The following ANKRD12 variants were observed in gnomAD, a reference collection of about 807,000 sequenced individuals.
ANKRD12 encodes the protein ankyrin repeat domain 12, also known as ankyrin repeat domain-containing protein 12.
Under a neutral mutation model 183.4 loss-of-function variants are expected in ANKRD12, and 85 were observed. The observed-to-expected ratio is 0.46, with a 90% CI of 0.39 to 0.56. The LOEUF (loss-of-function observed/expected upper bound fraction) is 0.56, where lower values mean the gene tolerates loss of function less well. ANKRD12 is among the 20% of genes least tolerant of loss of function. ANKRD12 has a pLI of 0.00. For missense variants in ANKRD12, 2,405 were observed against 2,357.1 expected (o/e 1.02, Z -0.42); for synonymous variants, 914 against 800.2 (o/e 1.14, Z -2.40).
In ANKRD12 at chr18:9,171,189, T is replaced by G. The variant is rs557032144; in HGVS notation, c.-51-11193T>G. Among the ~76,000 whole-genome samples the G allele has an allele frequency of 2.0e-5, 3 of 152,276 alleles. No homozygotes were observed. The South Asian group carries it at 6.2e-4, about 32-fold the overall frequency. ...AGGAGGCAGTCTGCCCGTTGTCAGA[T>G]CTCAAGCTGTGTGCTGGGAGAACCA... On this transcript the variant is annotated intron_variant, in intron 1 of 12. Transcript: ENST00000262126.
At position 9,255,624 on chromosome 18, in the gene ANKRD12, C is replaced by T; in HGVS notation, c.2357C>T (p.Thr786Ile). 1.3e-6 allele frequency: 2 copies of T among 1,571,044 alleles called. No individual in the cohort carries two copies. Among genetic ancestry groups the T allele is most frequent in the Non-Finnish European group, 1.7e-6 (2 of 1,168,622 alleles). ...CCCACAGATAAAGACTCAGAATTTA[C>T]TTCTTTGGGTATGAGTGCCATTGAG... ...NIPTDKDSEFTSLGMSAIEES... is the reference protein window; with the variant it reads ...NIPTDKDSEFISLGMSAIEES... Residue 786 changes from threonine (T) to isoleucine (I), a missense_variant, in exon 9 of 13, where the codon ACT becomes ATT. Transcript: ENST00000262126.
At chr18:9,202,715 T>G (rs1039997827) in intron 3 of ANKRD12, among the ~76,000 whole-genome samples, 3 of 152,170 alleles carry the variant, frequency 2.0e-5, no homozygotes, top group Admixed American at 6.5e-5. Context: ...TCATAAACAG[T>G]GGTAGTCTCA....
Position 9,248,756 on chromosome 18 carries a change from G to A in ANKRD12, c.944-5455G>A, listed in dbSNP as rs1008719533. 5.9e-5 allele frequency among the ~76,000 whole-genome samples: 9 copies of A among 152,334 alleles called. No individual in the cohort carries two copies. In the East Asian group the frequency reaches 7.7e-4, roughly 13 times the overall value. ...CAGGCAAGTCAGTGCGTGTGTGAAA[G>A]CGCAAGCTATATGATAGCTATGGAT... On this transcript the variant is annotated intron_variant, in intron 8 of 12. Coordinates refer to ENST00000262126, the MANE Select transcript of ANKRD12 (RefSeq NM_015208.5).
intron 8 of ANKRD12, among the ~76,000 whole-genome samples, chr18:9,224,149 A>G (rs1254192567): frequency 2.0e-5 from 3 of 152,248 alleles, no homozygotes; most frequent in Non-Finnish European, 4.4e-5. Flanking sequence ...GTGGAAATCC[A>G]TAAACATCAC....
rs772362255 is a variant in ANKRD12 at position 9,258,563 on chromosome 18, T to C, written c.5296T>C (p.Ser1766Pro). Residue 1766 changes from serine (S) to proline (P), a missense_variant, in exon 9 of 13, where the codon TCT (serine) becomes CCT (proline). By Grantham distance (74) the Ser-to-Pro change is moderately conservative. Transcript: ENST00000262126. ...ATCAGAAAAAGACAGTGAATCCTCA[T>C]CTCCTAGAGGAAGAATAAGATTAAC... is the stretch of plus-strand genomic sequence containing the variant. ...LLSEKDSESS[S>P]PRGRIRLTED... 3 of 1,613,812 alleles carry C rather than the reference T, an allele frequency of 1.9e-6. No individual in the cohort carries two copies. In the East Asian group the frequency reaches 6.7e-5, roughly 36 times the overall value.
At chr18:9,176,896 T>C (rs2033314951) in intron 1 of ANKRD12, among the ~76,000 whole-genome samples, 4 of 152,200 alleles carry the variant, frequency 2.6e-5, no homozygotes, top group African/African-American at 9.7e-5. Flanking sequence ...ATTTTACTGC[T>C]GTAAATTAGA....
chr18:9,264,513 C>T (rs944812500), intron 10 of ANKRD12, among the ~76,000 whole-genome samples: 17 of 151,358 alleles, frequency 1.1e-4, no homozygotes, highest in Non-Finnish European at 2.5e-4. Context: ...TTGGTTCATA[C>T]ATGATTGATT....
chr18:9,241,781 A>G (rs980450066), intron 8 of ANKRD12, among the ~76,000 whole-genome samples: 1 of 152,120 alleles, frequency 6.6e-6, no homozygotes, highest in Non-Finnish European at 1.5e-5. Context: ...TTTTAAATGT[A>G]TATATCACCA....
chr18:9,280,874 G>A, intron 12 of ANKRD12, 67 bp from the exon 13 acceptor site: 1 of 1,474,426 alleles, frequency 6.8e-7, no homozygotes, highest in Non-Finnish European at 9.3e-7. Context: ...GAAACTGGAT[G>A]AGATTAATTT....
chr18:9,151,365 A>G (rs1001168300), intron 1 of ANKRD12, among the ~76,000 whole-genome samples: 2 of 152,234 alleles, frequency 1.3e-5, no homozygotes, highest in Non-Finnish European at 2.9e-5. Context: ...TTTTGCATTC[A>G]TAGAAAAAAT....
At chr18:9,267,329 C>T (rs188651039) in intron 10 of ANKRD12, among the ~76,000 whole-genome samples, 86 of 152,276 alleles carry the variant, frequency 5.6e-4, no homozygotes, top group African/African-American at 1.6e-3. Flanking sequence ...TTCTTCTCAG[C>T]ACCACGCCGC....
intron 12 of ANKRD12, 39 bp from the exon 13 acceptor site, chr18:9,280,902 A>G: frequency 6.3e-7 from 1 of 1,580,750 alleles, no homozygotes; most frequent in East Asian, 2.2e-5. Flanking sequence ...AAGCAAAGTT[A>G]ACAGAATAAT....
chr18:9,168,144 ATCAGTGT>A (rs2032284169), intron 1 of ANKRD12, among the ~76,000 whole-genome samples: 1 of 152,198 alleles, frequency 6.6e-6, no homozygotes, highest in Non-Finnish European at 1.5e-5. Context: ...GGATTTTTGC[ATCAGTGT>A]TCATCAAAGA....
chr18:9,138,737 CT>C (rs1013103719), intron 1 of ANKRD12, among the ~76,000 whole-genome samples: 5 of 152,206 alleles, frequency 3.3e-5, no homozygotes, highest in African/African-American at 1.2e-4. Flanking sequence ...TATTAACAGT[CT>C]TGTTGAGAAA....
intron 8 of ANKRD12, among the ~76,000 whole-genome samples, chr18:9,222,989 CTG>C (rs1432413926): frequency 2.6e-5 from 4 of 152,106 alleles, no homozygotes; most frequent in African/African-American, 4.8e-5. Flanking sequence ...GATTAAATAA[CTG>C]TGGTAAATAT....
intron 8 of ANKRD12, among the ~76,000 whole-genome samples, chr18:9,251,573 C>T (rs1422437005): frequency 6.6e-6 from 1 of 152,126 alleles, no homozygotes; most frequent in African/African-American, 2.4e-5. Context: ...GTGGGTGGAT[C>T]ACCTGAGGTC....
chr18:9,226,774 C>CT (rs376925560), intron 8 of ANKRD12, among the ~76,000 whole-genome samples: 1 of 151,940 alleles, frequency 6.6e-6, no homozygotes, highest in Non-Finnish European at 1.5e-5. Flanking sequence ...TATAACATCA[C>CT]TTTTTTAGTA....
At chr18:9,239,440 G>C in intron 8 of ANKRD12, 2 of 985,384 alleles carry the variant, frequency 2.0e-6, no homozygotes, top group Non-Finnish European at 2.8e-6. Context: ...GATCTTGATT[G>C]TTTCATGTGT....
chr18:9,190,183 A>G (rs961493840), intron 2 of ANKRD12, among the ~76,000 whole-genome samples: 1 of 152,216 alleles, frequency 6.6e-6, no homozygotes, highest in African/African-American at 2.4e-5. Context: ...TGGAGGAACT[A>G]ACTGTAGATG....
Sources: allele counts gnomAD v4.1 joint callset (sites outside exome capture counted in the v4.1 genomes callset), GRCh38; gene constraint gnomAD v4.1.1; transcripts MANE v1.5; gene names NCBI Gene and HGNC (gene_info 2026-07-23, HGNC 2026-07-21).